SH3GL3: variants seen among roughly 807,000 people sequenced by gnomAD.
SH3GL3 encodes the protein endophilin-A3.
SH3GL3 carries 33 observed loss-of-function variants against 47.7 expected under a neutral mutation model. The ratio of observed to expected loss-of-function variants is 0.69; its 90% confidence interval spans 0.52 to 0.92. The LOEUF (loss-of-function observed/expected upper bound fraction) is 0.92, where lower values mean the gene tolerates loss of function less well. Ranked by LOEUF, SH3GL3 falls within the 40% of genes least tolerant of loss-of-function variation. The probability of loss-of-function intolerance (pLI) is 0.00; values close to 1 mark genes in which losing one functional copy is unlikely to be tolerated. For missense variants in SH3GL3, 363 were observed against 417.8 expected, an observed-to-expected ratio of 0.87 and a Z score of 1.14; for synonymous variants, 155 against 148.8, an observed-to-expected ratio of 1.04 and a Z score of -0.30.
chr15:83,627,156 G>C, the SH3GL3 span, among the ~76,000 whole-genome samples: 4 of 152,140 alleles, frequency 2.6e-5, no homozygotes, highest in Non-Finnish European at 5.9e-5. Context: ...CCAGCACTTT[G>C]GGAGGCCGAG....
At chr15:83,489,346 G>A (rs2041759963) in intron 1 of SH3GL3, 2 of 152,126 alleles carry the variant, frequency 1.3e-5, no homozygotes, top group Admixed American at 1.3e-4. Context: ...CGTGATACAG[G>A]AAAAACTGCT....
At chr15:83,496,898 T>G (rs1194094527) in intron 1 of SH3GL3, among the ~76,000 whole-genome samples, 1 of 152,118 alleles carries the variant, frequency 6.6e-6, no homozygotes, top group East Asian at 1.9e-4. Flanking sequence ...CTGAAGCTAT[T>G]TTCCCCAAGC....
At position 83,448,900 on chromosome 15, in the gene SH3GL3, G is replaced by A. The variant is rs1012034587; in HGVS notation, c.45+1322G>A. On this transcript the variant is annotated intron_variant, in intron 1 of 8. Coordinates refer to ENST00000427482, the MANE Select transcript of SH3GL3 (RefSeq NM_003027.5). This position sits in a 1 kb window ranked among gnomAD's most constrained non-coding sequence, Gnocchi z 4.2. Reference sequence around the variant, plus strand: ...CCTGGAGGAGAGGCTATTCAGGTGAGGGTGGAGATGATGGATTCACCACTG... The same window carrying A: ...CCTGGAGGAGAGGCTATTCAGGTGAAGGTGGAGATGATGGATTCACCACTG... Among the ~76,000 whole-genome samples, 1 of 152,138 alleles carries A rather than the reference G, an allele frequency of 6.6e-6. No homozygotes were observed. The highest frequency in any genetic ancestry group is 1.5e-5 in the Non-Finnish European group (1 of 68,026).
chr15:83,595,936 C>T (rs1018791128), intron 8 of SH3GL3, among the ~76,000 whole-genome samples: 1 of 152,112 alleles, frequency 6.6e-6, no homozygotes, highest in African/African-American at 2.4e-5. Context: ...TCTTAAAGAG[C>T]CAGCTCTCTG....
chr15:83,560,488 A>G (rs2045211586), intron 2 of SH3GL3, among the ~76,000 whole-genome samples: 1 of 152,236 alleles, frequency 6.6e-6, no homozygotes, highest in Admixed American at 6.5e-5. Flanking sequence ...CTCTTAATAT[A>G]CAAATAGGTG....
At chr15:83,550,547 G>C (rs779552434) in intron 1 of SH3GL3, among the ~76,000 whole-genome samples, 1 of 151,970 alleles carries the variant, frequency 6.6e-6, no homozygotes, top group Non-Finnish European at 1.5e-5. Flanking sequence ...GCACCACCAT[G>C]CCTGGCTAAT....
chr15:83,464,595 AC>A (rs2040474810), intron 1 of SH3GL3, among the ~76,000 whole-genome samples: 1 of 152,150 alleles, frequency 6.6e-6, no homozygotes, highest in African/African-American at 2.4e-5. Context: ...CTGTTTTTCT[AC>A]TTGTGATCTC....
chr15:83,618,950 GTTTA>G (rs1185743410), downstream of SH3GL3, among the ~76,000 whole-genome samples: 2 of 152,096 alleles, frequency 1.3e-5, no homozygotes, highest in Admixed American at 1.3e-4. Context: ...TTACCTTCAA[GTTTA>G]TTTATAAAAG....
chr15:83,496,451 T>C (rs1197591166), intron 1 of SH3GL3, among the ~76,000 whole-genome samples: 2 of 152,158 alleles, frequency 1.3e-5, no homozygotes, highest in Non-Finnish European at 2.9e-5. Context: ...TTAATCCTTG[T>C]GATAACCATT....
chr15:83,504,951 A>G (rs1001106797), intron 1 of SH3GL3, among the ~76,000 whole-genome samples: 1 of 152,200 alleles, frequency 6.6e-6, no homozygotes, highest in African/African-American at 2.4e-5. Context: ...TGCATCTCTA[A>G]ACAAGATAGT....
intron 1 of SH3GL3, among the ~76,000 whole-genome samples, chr15:83,495,258 T>C (rs1189808971): frequency 6.6e-6 from 1 of 152,168 alleles, no homozygotes; most frequent in Admixed American, 6.5e-5. Flanking sequence ...TGAACCTTCT[T>C]GTTGACTCAG....
At chr15:83,518,548 T>C (rs1281218593) in intron 1 of SH3GL3, among the ~76,000 whole-genome samples, 1 of 152,202 alleles carries the variant, frequency 6.6e-6, no homozygotes, top group Non-Finnish European at 1.5e-5. Flanking sequence ...TTTTGAAAAG[T>C]GTTTATTCAT....
chr15:83,537,101 C>G (rs182861116), intron 1 of SH3GL3, among the ~76,000 whole-genome samples: 47 of 152,188 alleles, frequency 3.1e-4, no homozygotes, highest in African/African-American at 1.1e-3. Flanking sequence ...CAGTTTTATG[C>G]TAGGGTCAGT....
At chr15:83,500,282 G>A (rs1454298902) in intron 1 of SH3GL3, among the ~76,000 whole-genome samples, 2 of 152,174 alleles carry the variant, frequency 1.3e-5, no homozygotes, top group African/African-American at 2.4e-5. Context: ...AATCCCTGGT[G>A]TCAATGCTTC....
chr15:83,545,885 A>G (rs980693460), intron 1 of SH3GL3, among the ~76,000 whole-genome samples: 3 of 152,038 alleles, frequency 2.0e-5, no homozygotes. Flanking sequence ...AACAAATGCA[A>G]TCTCTCTCTC....
chr15:83,567,701 AGT>A lies in SH3GL3; in HGVS notation c.188-814_188-813del, dbSNP rs113075611. Among the ~76,000 whole-genome samples the A allele has an allele frequency of 5.9e-5, 9 of 151,512 alleles. No homozygotes were observed. In the South Asian group the frequency reaches 1.7e-3, roughly 28 times the overall value. Reference sequence around the variant, plus strand: ...AGGCTCAATCAGTCCTTGGGAGCAGAGTGTGTGTGTGTGTGCGTGCGCGCGCA... The same window carrying A: ...AGGCTCAATCAGTCCTTGGGAGCAGAGTGTGTGTGTGTGCGTGCGCGCGCA... On this transcript the variant is annotated intron_variant, in intron 3 of 8. Coordinates refer to ENST00000427482, the MANE Select transcript of SH3GL3 (RefSeq NM_003027.5).
At chr15:83,457,370 T>G (rs370256335) in intron 1 of SH3GL3, among the ~76,000 whole-genome samples, 11 of 152,376 alleles carry the variant, frequency 7.2e-5, no homozygotes, top group African/African-American at 2.6e-4. Context: ...TGCCAGAGGT[T>G]AAAGGACACT....
rs71156081 is a variant in SH3GL3 at position 83,448,442 on chromosome 15, ATGTGTGTG to A, written c.45+896_45+903del. On this transcript the variant is annotated intron_variant, in intron 1 of 8. Transcript: ENST00000427482. This position sits in a 1 kb window ranked among gnomAD's most constrained non-coding sequence, Gnocchi z 4.2. ...AAACAGGAGGGGAGACATGAAATTG[ATGTGTGTG>A]TGTGTGTGTGTGTGTGTGTGTGTGT... Among the ~76,000 whole-genome samples, 633 of 140,670 alleles carry A rather than the reference ATGTGTGTG, an allele frequency of 4.5e-3. No individual in the cohort carries two copies. The highest frequency in any genetic ancestry group is 0.015 in the Middle Eastern group (4 of 270). The allele number at this position is 140,670 out of a possible 152,430, so 92.3% of individuals were successfully genotyped here.
intron 8 of SH3GL3, among the ~76,000 whole-genome samples, chr15:83,601,280 T>C (rs2060371283): frequency 6.6e-6 from 1 of 152,232 alleles, no homozygotes; most frequent in Non-Finnish European, 1.5e-5. Context: ...GTTCCAGTTC[T>C]CAGCGGAAAT....
Sources: allele counts gnomAD v4.1 joint callset (sites outside exome capture counted in the v4.1 genomes callset), GRCh38; gene constraint gnomAD v4.1.1; non-coding constraint Gnocchi (gnomAD v3.1); transcripts MANE v1.5; gene names NCBI Gene and HGNC (gene_info 2026-07-23, HGNC 2026-07-21).